PALM2AKAP2: variants seen among roughly 807,000 people sequenced by gnomAD.
PALM2AKAP2 encodes PALM2 and AKAP2 fusion, also known as PALM2-AKAP2 fusion protein.
Under a neutral mutation model 71.5 loss-of-function variants are expected in PALM2AKAP2, and 37 were observed. The observed-to-expected ratio is 0.52, with a 90% CI of 0.40 to 0.68. PALM2AKAP2 has a LOEUF of 0.68. Ranked by LOEUF, PALM2AKAP2 falls within the 30% of genes least tolerant of loss-of-function variation. PALM2AKAP2 has a pLI of 0.00. For missense variants in PALM2AKAP2, 1,224 were observed against 1,191.8 expected, an observed-to-expected ratio of 1.03 and a Z score of -0.40; for synonymous variants, 468 against 478.8, an observed-to-expected ratio of 0.98 and a Z score of 0.29.
At chr9:109,801,084 A>C (rs1228035669) in intron 1 of PALM2AKAP2, among the ~76,000 whole-genome samples, 1 of 152,236 alleles carries the variant, frequency 6.6e-6, no homozygotes, top group Non-Finnish European at 1.5e-5. Context: ...AAGAAGCAAG[A>C]TAACAGGGTA....
intron 6 of PALM2AKAP2, among the ~76,000 whole-genome samples, chr9:110,011,157 G>A (rs888323269): frequency 4.1e-5 from 6 of 145,768 alleles, no homozygotes; most frequent in Non-Finnish European, 9.0e-5. Context: ...GAGAATATGT[G>A]TAATTTTTTA....
chr9:110,146,977 G>A (rs1010892260), intron 2 of PALM2AKAP2, among the ~76,000 whole-genome samples: 5 of 152,080 alleles, frequency 3.3e-5, no homozygotes, highest in Non-Finnish European at 7.4e-5. Context: ...ATCTATGTGC[G>A]AGGTGGCTCA....
chr9:110,040,728 C>T (rs1379327520), intron 7 of PALM2AKAP2, among the ~76,000 whole-genome samples: 2 of 152,110 alleles, frequency 1.3e-5, no homozygotes, highest in African/African-American at 2.4e-5. Flanking sequence ...AAGTTAAGCA[C>T]CACTGGAAAA....
intron 6 of PALM2AKAP2, chr9:109,942,708 T>C: frequency 6.3e-7 from 1 of 1,593,686 alleles, no homozygotes; most frequent in Non-Finnish European, 8.5e-7. Flanking sequence ...TGGAAATTAA[T>C]GTGGAGAAAG....
chr9:109,967,144 C>T (rs549425232), intron 6 of PALM2AKAP2, among the ~76,000 whole-genome samples: 6 of 152,264 alleles, frequency 3.9e-5, no homozygotes, highest in Admixed American at 2.6e-4. Flanking sequence ...CTTCCTCCCC[C>T]TCGTGTCCGG....
intron 7 of PALM2AKAP2, among the ~76,000 whole-genome samples, chr9:110,029,761 G>T (rs978447843): frequency 3.3e-5 from 5 of 152,204 alleles, no homozygotes; most frequent in Non-Finnish European, 5.9e-5. Context: ...TCTTTAGTGC[G>T]ACTGGAAGGT....
At chr9:109,965,533 G>C (rs1831930586) in intron 6 of PALM2AKAP2, among the ~76,000 whole-genome samples, 1 of 152,192 alleles carries the variant, frequency 6.6e-6, no homozygotes, top group African/African-American at 2.4e-5. Context: ...ATCTAGACTA[G>C]TCAAATTCGT....
chr9:110,087,228 G>T (rs7849180), intron 1 of PALM2AKAP2, among the ~76,000 whole-genome samples: 43,187 of 152,124 alleles, frequency 0.28, 8,048 homozygotes, highest in African/African-American at 0.53. Flanking sequence ...CCCAGGAGGA[G>T]AAAGGTGTCC....
At chr9:109,992,111 A>G (rs1832495190) in intron 6 of PALM2AKAP2, among the ~76,000 whole-genome samples, 1 of 152,128 alleles carries the variant, frequency 6.6e-6, no homozygotes, top group Admixed American at 6.5e-5. Context: ...AGAAGTCCAA[A>G]ATCAAGGTGT....
intron 2 of PALM2AKAP2, among the ~76,000 whole-genome samples, chr9:109,874,938 G>T (rs530317648): frequency 1.6e-4 from 24 of 152,250 alleles, no homozygotes; most frequent in African/African-American, 5.1e-4. Flanking sequence ...AATATTCTCT[G>T]TCACTTGAAC....
chr9:109,695,042 A>T (rs1159142018), intron 1 of PALM2AKAP2, among the ~76,000 whole-genome samples: 1 of 152,164 alleles, frequency 6.6e-6, no homozygotes, highest in East Asian at 1.9e-4. Context: ...TTCCAGCCAG[A>T]TCAAATATTT....
At chr9:110,082,494 C>T (rs1268886105) in intron 1 of PALM2AKAP2, among the ~76,000 whole-genome samples, 1 of 152,146 alleles carries the variant, frequency 6.6e-6, no homozygotes. Flanking sequence ...TGTGTCAGAA[C>T]CCTTTGTAAT....
chr9:110,106,988 C>G (rs781333370), intron 1 of PALM2AKAP2, among the ~76,000 whole-genome samples: 1 of 152,150 alleles, frequency 6.6e-6, no homozygotes, highest in African/African-American at 2.4e-5. Flanking sequence ...TCAATTAGCC[C>G]GATGGAAGGT....
At chr9:109,905,521 A>C (rs1006030292) in intron 3 of PALM2AKAP2, among the ~76,000 whole-genome samples, 4 of 152,252 alleles carry the variant, frequency 2.6e-5, no homozygotes, top group African/African-American at 9.6e-5. Context: ...GTGAGAAACC[A>C]ACAGTGCAGG....
chr9:109,870,578 A>G (rs1267681731), intron 2 of PALM2AKAP2, among the ~76,000 whole-genome samples: 1 of 152,214 alleles, frequency 6.6e-6, no homozygotes, highest in Non-Finnish European at 1.5e-5. Flanking sequence ...TCTTACAGCT[A>G]TGGGAACAAA....
intron 1 of PALM2AKAP2, among the ~76,000 whole-genome samples, chr9:109,731,360 C>A (rs1014048076): frequency 6.6e-6 from 1 of 152,180 alleles, no homozygotes; most frequent in Non-Finnish European, 1.5e-5. Context: ...TAGTTCTCAA[C>A]AAATTCATTC....
At chr9:110,083,168 A>C (rs1564294996) in intron 1 of PALM2AKAP2, among the ~76,000 whole-genome samples, 2 of 152,004 alleles carry the variant, frequency 1.3e-5, no homozygotes, top group Admixed American at 6.6e-5. Context: ...CAAAAAACAA[A>C]AACAATGACT....
chr9:109,761,439 T>C (rs2118735889), intron 1 of PALM2AKAP2, among the ~76,000 whole-genome samples: 1 of 152,338 alleles, frequency 6.6e-6, no homozygotes. Context: ...ACATGTGCCA[T>C]GGTGGTTTGC....
At chr9:109,933,446 C>G (rs1831154192) in intron 6 of PALM2AKAP2, among the ~76,000 whole-genome samples, 1 of 152,264 alleles carries the variant, frequency 6.6e-6, no homozygotes, top group South Asian at 2.1e-4. Flanking sequence ...TCAAAGGACA[C>G]AGGATATGAT....
Sources: allele counts gnomAD v4.1 joint callset (sites outside exome capture counted in the v4.1 genomes callset), GRCh38; gene constraint gnomAD v4.1.1; transcripts MANE v1.5; gene names NCBI Gene and HGNC (gene_info 2026-07-23, HGNC 2026-07-21).